EXOC4: variants seen among roughly 807,000 people sequenced by gnomAD.
The protein encoded by EXOC4 is SEC8-like 1.
In EXOC4, 71 loss-of-function variants were observed where a neutral mutation model predicts 107.2. That is an observed-to-expected ratio of 0.66 (90% confidence interval 0.55 to 0.81). The LOEUF (loss-of-function observed/expected upper bound fraction) is 0.81, where lower values mean the gene tolerates loss of function less well. EXOC4 is among the 30% of genes least tolerant of loss of function. The pLI is 0.00. For missense variants in EXOC4, 1,108 were observed against 1,189.6 expected, an observed-to-expected ratio of 0.93 and a Z score of 1.01; for synonymous variants, 456 against 441.2, an observed-to-expected ratio of 1.03 and a Z score of -0.42.
chr7:133,322,801 AC>A (rs1438366217), intron 5 of EXOC4, among the ~76,000 whole-genome samples: 3 of 152,188 alleles, frequency 2.0e-5, no homozygotes, highest in Non-Finnish European at 2.9e-5. Flanking sequence ...TCTGTAAATT[AC>A]TTTGGGCAGT....
At chr7:133,526,672 G>C (rs1417546010) in intron 9 of EXOC4, among the ~76,000 whole-genome samples, 3 of 152,120 alleles carry the variant, frequency 2.0e-5, no homozygotes, top group Non-Finnish European at 4.4e-5. Flanking sequence ...CTGTAGAAAC[G>C]TAATCAAAAG....
intron 9 of EXOC4, among the ~76,000 whole-genome samples, chr7:133,520,268 A>G (rs1023627696): frequency 2.6e-5 from 4 of 152,162 alleles, no homozygotes; most frequent in South Asian, 2.1e-4. Context: ...TGTTCTTGCC[A>G]CAATATTTTA....
intron 9 of EXOC4, among the ~76,000 whole-genome samples, chr7:133,587,178 G>A (rs1208484565): frequency 6.6e-6 from 1 of 152,062 alleles, no homozygotes; most frequent in Non-Finnish European, 1.5e-5. Context: ...ACAAGGAATT[G>A]GTAAGGTATC....
intron 11 of EXOC4, among the ~76,000 whole-genome samples, chr7:133,857,741 CT>C (rs1227028713): frequency 6.6e-6 from 1 of 152,074 alleles, no homozygotes; most frequent in Non-Finnish European, 1.5e-5. Flanking sequence ...GTGCCAGCAT[CT>C]GGATGAGGGG....
chr7:133,473,289 A>G (rs1335220737), intron 7 of EXOC4, among the ~76,000 whole-genome samples: 2 of 152,194 alleles, frequency 1.3e-5, no homozygotes, highest in Non-Finnish European at 2.9e-5. Context: ...TCATTATATT[A>G]TTTCATCCAC....
intron 9 of EXOC4, among the ~76,000 whole-genome samples, chr7:133,600,725 A>G (rs1801786590): frequency 6.6e-6 from 1 of 152,228 alleles, no homozygotes; most frequent in Non-Finnish European, 1.5e-5. Context: ...ACAACTTGCC[A>G]TCTTTGCCCT....
intron 9 of EXOC4, among the ~76,000 whole-genome samples, chr7:133,546,254 T>TTC (rs1289697516): frequency 7.5e-5 from 1 of 13,314 alleles, no homozygotes; most frequent in Non-Finnish European, 2.1e-4. Flanking sequence ...GCTGGAAAAC[T>TTC]TTTTTTTTTT....
chr7:133,674,607 A>C (rs1187028015), intron 10 of EXOC4, among the ~76,000 whole-genome samples: 1 of 152,146 alleles, frequency 6.6e-6, no homozygotes, highest in East Asian at 1.9e-4. Context: ...TATTGCTGTC[A>C]TATTACAATG....
chr7:133,506,424 G>A (rs1799666992), intron 9 of EXOC4, among the ~76,000 whole-genome samples: 1 of 152,108 alleles, frequency 6.6e-6, no homozygotes, highest in Non-Finnish European at 1.5e-5. Flanking sequence ...GAAATTGGGT[G>A]ATCAGAATTC....
chr7:133,811,143 C>T (rs1797219604), intron 10 of EXOC4, among the ~76,000 whole-genome samples: 1 of 152,048 alleles, frequency 6.6e-6, no homozygotes, highest in African/African-American at 2.4e-5. Context: ...CACAGATATA[C>T]CTGTATGTTG....
chr7:133,837,093 G>T (rs192582548), intron 11 of EXOC4, among the ~76,000 whole-genome samples: 2 of 152,222 alleles, frequency 1.3e-5, no homozygotes, highest in African/African-American at 4.8e-5. Flanking sequence ...TTAATCCATT[G>T]TTAAACATGA....
chr7:133,402,141 GA>G (rs1797104066), intron 7 of EXOC4, among the ~76,000 whole-genome samples: 1 of 152,196 alleles, frequency 6.6e-6, no homozygotes, highest in African/African-American at 2.4e-5. Context: ...TTTTCTTGCG[GA>G]AAGTATTTAA....
chr7:133,434,400 A>G (rs1225309139), intron 7 of EXOC4, among the ~76,000 whole-genome samples: 1 of 152,246 alleles, frequency 6.6e-6, no homozygotes, highest in African/African-American at 2.4e-5. Flanking sequence ...GAAGGTTTTC[A>G]GAATTTCCCT....
intron 8 of EXOC4, among the ~76,000 whole-genome samples, chr7:133,477,782 G>A (rs544355092): frequency 4.4e-4 from 67 of 152,248 alleles, no homozygotes; most frequent in Non-Finnish European, 7.8e-4. Flanking sequence ...TAGTACTTAC[G>A]AATTATCAGT....
Position 133,624,134 on chromosome 7 carries a change from C to T in EXOC4, c.1418-5911C>T, listed in dbSNP as rs147523460. On this transcript the variant is annotated intron_variant, in intron 9 of 17. Transcript: ENST00000253861. ...TCACCTTCACTGTGGTTCTTTTCTA[C>T]GTGGAAAGGCCAATTTAAAAATCAG... 3.8e-3 allele frequency among the ~76,000 whole-genome samples: 577 copies of T among 152,212 alleles called. 5 individuals are homozygous for T. The highest frequency in any genetic ancestry group is 0.013 in the African/African-American group (533 of 41,530).
At chr7:133,963,511 A>G (rs1334009233) in intron 14 of EXOC4, among the ~76,000 whole-genome samples, 1 of 152,214 alleles carries the variant, frequency 6.6e-6, no homozygotes, top group African/African-American at 2.4e-5. Flanking sequence ...TGACAAGGCA[A>G]GGAGTGAAAG....
At chr7:133,719,074 A>G (rs942145289) in intron 10 of EXOC4, among the ~76,000 whole-genome samples, 7 of 152,154 alleles carry the variant, frequency 4.6e-5, no homozygotes, top group African/African-American at 1.7e-4. Context: ...GGAGGGACCT[A>G]GTAGGAGGTA....
intron 9 of EXOC4, among the ~76,000 whole-genome samples, chr7:133,607,016 T>C (rs139145704): frequency 6.6e-6 from 1 of 152,222 alleles, no homozygotes; most frequent in African/African-American, 2.4e-5. Context: ...TAGCTGTAGA[T>C]CCTACAATGC....
At chr7:133,825,441 A>G (rs1201749356) in intron 11 of EXOC4, among the ~76,000 whole-genome samples, 1 of 152,154 alleles carries the variant, frequency 6.6e-6, no homozygotes, top group Non-Finnish European at 1.5e-5. Flanking sequence ...AGATGTCAAC[A>G]AGGTTCAAAG....
Sources: allele counts gnomAD v4.1 joint callset (sites outside exome capture counted in the v4.1 genomes callset), GRCh38; gene constraint gnomAD v4.1.1; transcripts MANE v1.5; gene names NCBI Gene and HGNC (gene_info 2026-07-23, HGNC 2026-07-21).